The following PDGFC variants were observed in gnomAD, a reference collection of about 807,000 sequenced individuals.
PDGFC encodes platelet derived growth factor C, also known as platelet-derived growth factor C.
Under a neutral mutation model 35.5 loss-of-function variants are expected in PDGFC, and 12 were observed. The observed-to-expected ratio is 0.34, with a 90% CI of 0.22 to 0.55. The LOEUF (loss-of-function observed/expected upper bound fraction) is 0.55, where lower values mean the gene tolerates loss of function less well. Ranked by LOEUF, PDGFC falls within the 20% of genes least tolerant of loss-of-function variation. The pLI, the probability that PDGFC is intolerant of heterozygous loss-of-function variation, is 0.91. For missense variants in PDGFC, 322 were observed against 412.4 expected, an observed-to-expected ratio of 0.78 and a Z score of 1.90; for synonymous variants, 159 against 148.8, an observed-to-expected ratio of 1.07 and a Z score of -0.50.
intron 2 of PDGFC, among the ~76,000 whole-genome samples, chr4:156,822,189 C>T (rs1329171695): frequency 5.3e-5 from 8 of 151,904 alleles, no homozygotes; most frequent in Non-Finnish European, 1.2e-4. Context: ...GAAACCCCAT[C>T]TCTACTAAAA....
intron 3 of PDGFC, among the ~76,000 whole-genome samples, chr4:156,794,543 C>T (rs1208048843): frequency 6.6e-6 from 1 of 151,616 alleles, no homozygotes; most frequent in East Asian, 1.9e-4. Context: ...GGAAGGAAGA[C>T]AGGAAGAAAA....
chr4:156,865,425 A>T (rs764070109), intron 1 of PDGFC, among the ~76,000 whole-genome samples: 1 of 152,188 alleles, frequency 6.6e-6, no homozygotes, highest in Non-Finnish European at 1.5e-5. Flanking sequence ...TTTTATCAGA[A>T]AATGTATATA....
intron 3 of PDGFC, among the ~76,000 whole-genome samples, chr4:156,790,209 A>G (rs190515200): frequency 1.5e-4 from 23 of 152,206 alleles, no homozygotes; most frequent in African/African-American, 5.5e-4. Context: ...TTGCAGCTCA[A>G]ATAAAATAAT....
At chr4:156,942,415 T>A (rs1324584732) in intron 1 of PDGFC, among the ~76,000 whole-genome samples, 1 of 152,034 alleles carries the variant, frequency 6.6e-6, no homozygotes, top group East Asian at 1.9e-4. Context: ...TACTTGAAAA[T>A]AAGCCTTTAA....
chr4:156,773,697 C>A (rs1730747417), intron 3 of PDGFC: 2 of 152,130 alleles, frequency 1.3e-5, no homozygotes, highest in African/African-American at 4.8e-5. Flanking sequence ...TACTTTTTCA[C>A]ACAGATGAGA....
At chr4:156,828,645 T>C (rs1220937700) in intron 2 of PDGFC, among the ~76,000 whole-genome samples, 1 of 152,204 alleles carries the variant, frequency 6.6e-6, no homozygotes, top group African/African-American at 2.4e-5. Flanking sequence ...TATATATGCA[T>C]GTATATATAA....
chr4:156,807,490 T>G (rs982967515), intron 3 of PDGFC, among the ~76,000 whole-genome samples: 1 of 152,004 alleles, frequency 6.6e-6, no homozygotes, highest in Non-Finnish European at 1.5e-5. Flanking sequence ...CATCACTTTA[T>G]TCAAATGAAC....
intron 1 of PDGFC, among the ~76,000 whole-genome samples, chr4:156,947,639 C>G (rs896543539): frequency 6.6e-6 from 1 of 151,972 alleles, no homozygotes; most frequent in African/African-American, 2.4e-5. Context: ...TGAGGTATAA[C>G]AGCAAAAAGA....
intron 2 of PDGFC, among the ~76,000 whole-genome samples, chr4:156,824,569 C>T (rs919544545): frequency 7.2e-5 from 11 of 151,942 alleles, no homozygotes; most frequent in African/African-American, 2.7e-4. Flanking sequence ...ATAAAAAGTG[C>T]TCACCTACTT....
intron 2 of PDGFC, among the ~76,000 whole-genome samples, chr4:156,822,914 C>T (rs529444697): frequency 6.6e-6 from 1 of 152,124 alleles, no homozygotes; most frequent in Admixed American, 6.5e-5. Flanking sequence ...GGATTACAGG[C>T]ATAGAGATGG....
chr4:156,806,754 A>G (rs1001444767), intron 3 of PDGFC, among the ~76,000 whole-genome samples: 4 of 152,084 alleles, frequency 2.6e-5, no homozygotes, highest in Non-Finnish European at 5.9e-5. Context: ...TTCTGGAGCA[A>G]AAGTTATTAT....
intron 1 of PDGFC, among the ~76,000 whole-genome samples, chr4:156,854,099 A>G (rs1729518696): frequency 6.6e-6 from 1 of 152,232 alleles, no homozygotes; most frequent in Admixed American, 6.5e-5. Flanking sequence ...GATAATCTAC[A>G]TATTTCAGAG....
rs201652236 is a variant in PDGFC, at chr4:156,854,466, T to TA, written c.119-4051dup. On this transcript the variant is annotated intron_variant, in intron 1 of 5. Coordinates refer to ENST00000502773, the MANE Select transcript of PDGFC (RefSeq NM_016205.3). ...TGAAAATCTGGGCCTTATTTGTGGT[T>TA]AAAAAAAAATTGTAAATTTTCTTTT... Among the ~76,000 whole-genome samples, 367 of 151,614 alleles carry TA rather than the reference T, an allele frequency of 2.4e-3. 10 individuals are homozygous for TA. In the East Asian group the frequency reaches 0.06, roughly 25 times the overall value.
At chr4:156,930,349 A>G (rs1354876050) in intron 1 of PDGFC, among the ~76,000 whole-genome samples, 1 of 152,234 alleles carries the variant, frequency 6.6e-6, no homozygotes, top group Admixed American at 6.5e-5. Flanking sequence ...GGATATCCAA[A>G]GACTGCAATA....
intron 1 of PDGFC, among the ~76,000 whole-genome samples, chr4:156,914,522 T>C (rs192656345): frequency 3.3e-5 from 5 of 152,344 alleles, no homozygotes; most frequent in Admixed American, 2.6e-4. Flanking sequence ...CTCACGGCTA[T>C]TGCCAAAGTT....
intron 1 of PDGFC, among the ~76,000 whole-genome samples, chr4:156,921,078 A>C (rs1054482523): frequency 1.3e-5 from 2 of 152,196 alleles, no homozygotes; most frequent in Non-Finnish European, 2.9e-5. Flanking sequence ...AGTCTCTATA[A>C]AGGAGCAGTC....
intron 1 of PDGFC, among the ~76,000 whole-genome samples, chr4:156,903,560 A>G (rs1336903715): frequency 6.6e-6 from 1 of 152,118 alleles, no homozygotes; most frequent in African/African-American, 2.4e-5. Context: ...AAACTACAAA[A>G]TAACACATAG....
intron 1 of PDGFC, among the ~76,000 whole-genome samples, chr4:156,899,496 C>T (rs78061061): frequency 1.3e-5 from 2 of 152,168 alleles, no homozygotes; most frequent in Non-Finnish European, 2.9e-5. Context: ...ACTCCGATGA[C>T]TTCTATTCTT....
chr4:156,797,483 C>G (rs886744659), intron 3 of PDGFC, among the ~76,000 whole-genome samples: 1 of 152,088 alleles, frequency 6.6e-6, no homozygotes, highest in Non-Finnish European at 1.5e-5. Context: ...GGTCACAGCT[C>G]TGCATTTGAA....
Sources: allele counts gnomAD v4.1 joint callset (sites outside exome capture counted in the v4.1 genomes callset), GRCh38; gene constraint gnomAD v4.1.1; transcripts MANE v1.5; gene names NCBI Gene and HGNC (gene_info 2026-07-23, HGNC 2026-07-21).